Variants in ABR observed in about 807,000 individuals in gnomAD.
ABR encodes the protein ABR activator of RhoGEF and GTPase.
ABR carries 35 observed loss-of-function variants against 107.2 expected under a neutral mutation model. The ratio of observed to expected loss-of-function variants is 0.33; its 90% CI spans 0.25 to 0.43. The LOEUF is 0.43. Among genes scored for constraint, ABR ranks in the 20% least tolerant of loss-of-function variants. The probability of loss-of-function intolerance (pLI) is 1.00; values close to 1 mark genes in which losing one functional copy is unlikely to be tolerated. For synonymous variants in ABR, 498 were observed against 462.0 expected (o/e 1.08, Z -1.00); for missense variants, 815 against 1,115.2 (o/e 0.73, Z 3.83).
intron 1 of ABR, among the ~76,000 whole-genome samples, chr17:1,138,062 C>T (rs1644437713): frequency 6.6e-6 from 1 of 151,614 alleles, no homozygotes; most frequent in Non-Finnish European, 1.5e-5. Context: ...CACCAACACC[C>T]GGCTAATTTT....
At chr17:1,073,918 C>T (rs1332088618) in intron 6 of ABR, among the ~76,000 whole-genome samples, 1 of 152,068 alleles carries the variant, frequency 6.6e-6, no homozygotes, top group East Asian at 1.9e-4. Flanking sequence ...GCCTCCTCTC[C>T]CATCAGACAT....
chr17:1,201,876 AC>A (rs2042678154), intron 1 of ABR, among the ~76,000 whole-genome samples: 1 of 152,012 alleles, frequency 6.6e-6, no homozygotes, highest in Admixed American at 6.6e-5. Flanking sequence ...ATGGGGTTTC[AC>A]CGTGTTAGCC....
Position 1,179,754 on chromosome 17 carries a change from G to T in ABR, c.-27C>A. ...CCGCGGCGGCGGCTCGGTCAGATCC[G>T]AAACCCGACCCTCATCGCGCAACAA... is the stretch of plus-strand genomic sequence containing the variant. On this transcript the variant is annotated 5_prime_UTR_variant, in exon 1 of 23. Transcript: ENST00000302538. The surrounding 1 kb of genome is among the most constrained non-coding windows in gnomAD (Gnocchi z 4.9). 9.4e-7 allele frequency: 1 copy of T among 1,064,760 alleles called. No homozygotes were observed. The highest frequency in any genetic ancestry group is 1.3e-6 in the Non-Finnish European group (1 of 774,624). 66.0% of individuals were successfully genotyped at this position (1,064,760 alleles called of 1,614,324 possible). A position where few individuals can be genotyped will look rare whatever the true frequency, so the allele number is the denominator to read the frequency against.
chr17:1,079,788 CAAAAAAAAAAAAAAAAAAAAAAAAAAA>C (rs57412625), intron 5 of ABR, among the ~76,000 whole-genome samples: 1 of 55,106 alleles, frequency 1.8e-5, no homozygotes. Flanking sequence ...GACTCTGTCT[CAAAAAAAAAAAAAAAAAAAAAAAAAAA>C]AAAAAAAAAA....
At chr17:1,159,042 G>A (rs1256194170) in intron 1 of ABR, among the ~76,000 whole-genome samples, 1 of 152,224 alleles carries the variant, frequency 6.6e-6, no homozygotes, top group Non-Finnish European at 1.5e-5. Context: ...CAGCAGCCTG[G>A]TGAAGCCAAG....
intron 2 of ABR, among the ~76,000 whole-genome samples, chr17:1,108,647 GGAGGCGGC>G (rs2038421721): frequency 1.3e-5 from 2 of 152,264 alleles, no homozygotes; most frequent in Admixed American, 6.5e-5. Context: ...CCCGCTCCAG[GGAGGCGGC>G]GAGGCTCGGG....
rs2069896569 is a variant in ABR at position 1,004,715 on chromosome 17, A to C, written c.*1365T>G. ...CCTACAGCACCAACAAGGAGGCCCC[A>C]GCAGAACCCAGCCCCTAGAGGCGGC... On this transcript the variant is annotated 3_prime_UTR_variant, in exon 23 of 23. Transcript: ENST00000302538. The C allele has an allele frequency of 7.9e-6, 2 of 254,550 alleles. No individual in the cohort carries two copies. The highest frequency in any genetic ancestry group is 1.4e-4 in the East Asian group (2 of 14,612). 15.8% of individuals were successfully genotyped at this position (254,550 alleles called of 1,614,324 possible). A position where few individuals can be genotyped will look rare whatever the true frequency, so the allele number is the denominator to read the frequency against.
At chr17:1,110,075 A>C (rs1339868152) in intron 2 of ABR, among the ~76,000 whole-genome samples, 2 of 124,042 alleles carry the variant, frequency 1.6e-5, no homozygotes, top group African/African-American at 3.1e-5. Context: ...CAGCCACCCC[A>C]CCGCAGGGAG....
chr17:1,032,578 G>A (rs533170844), intron 16 of ABR, among the ~76,000 whole-genome samples: 5 of 132,228 alleles, frequency 3.8e-5, no homozygotes, highest in Non-Finnish European at 6.1e-5. Context: ...CGTGCTGGGC[G>A]CAGAGGACGC....
rs1451604293 is a variant in ABR at position 1,217,210 on chromosome 17, C to G, written c.838+11583G>C. On this transcript the variant is annotated intron_variant, in intron 1 of 22. Coordinates refer to the ABR transcript ENST00000574139. ...GGCTTTCTCCGTAATAGGACCCCAA[C>G]CCCAGAGCACAGTGCGGCCGCCTCA... is the stretch of plus-strand genomic sequence containing the variant. 5.9e-5 allele frequency among the ~76,000 whole-genome samples: 9 copies of G among 152,330 alleles called. No homozygotes were observed. In the East Asian group the frequency reaches 1.7e-3, roughly 29 times the overall value.
intron 6 of ABR, among the ~76,000 whole-genome samples, chr17:1,075,147 C>T (rs918623132): frequency 6.6e-6 from 1 of 152,244 alleles, no homozygotes; most frequent in African/African-American, 2.4e-5. Context: ...TCAGCAGGGA[C>T]AGGTGGAGGT....
intron 1 of ABR, among the ~76,000 whole-genome samples, chr17:1,216,960 G>A (rs766210538): frequency 6.6e-6 from 1 of 152,158 alleles, no homozygotes; most frequent in Non-Finnish European, 1.5e-5. Context: ...CCATAATGAA[G>A]CCCAGCATGG....
rs567950476 is a variant in ABR at position 1,196,850 on chromosome 17, G to A, written c.838+31943C>T. On this transcript the variant is annotated intron_variant, in intron 1 of 22. Coordinates refer to the ABR transcript ENST00000574139. The stretch of plus-strand genomic sequence containing the variant: ...GCTGGGACTACAGGCGCCCACCACC[G>A]TGCCCGGCTAATTTTTTGTATTTTT... 1.8e-4 allele frequency among the ~76,000 whole-genome samples: 28 copies of A among 151,892 alleles called. No homozygotes were observed. In the East Asian group the frequency reaches 4.1e-3, roughly 22 times the overall value.
rs867283593 is a variant in ABR at position 1,179,537 on chromosome 17, T to G, written c.61+130A>C. 1.0e-6 allele frequency: 1 copy of G among 954,844 alleles called. No individual in the cohort carries two copies. Among genetic ancestry groups the G allele is most frequent in the African/African-American group, 1.8e-5 (1 of 55,134 alleles). 59.1% of individuals were successfully genotyped at this position (954,844 alleles called of 1,614,324 possible). A position where few individuals can be genotyped will look rare whatever the true frequency, so the allele number is the denominator to read the frequency against. The stretch of plus-strand genomic sequence containing the variant: ...ACCCCGATCTCGCCCCCGCCCGCGC[T>G]CCCCGGACCAGCCCGGTGCCTGGGT... On this transcript the variant is annotated intron_variant, in intron 1 of 22. Transcript: ENST00000302538. This position sits in a 1 kb window ranked among gnomAD's most constrained non-coding sequence, Gnocchi z 4.9.
intron 2 of ABR, among the ~76,000 whole-genome samples, chr17:1,120,414 T>C (rs149573238): frequency 0.01 from 1,553 of 152,220 alleles, 34 homozygotes; most frequent in East Asian, 0.097. Context: ...GCTGGGATTA[T>C]AGGCACCTGC....
At chr17:1,209,270 C>T (rs1598130441) in intron 1 of ABR, among the ~76,000 whole-genome samples, 1 of 151,574 alleles carries the variant, frequency 6.6e-6, no homozygotes, top group East Asian at 2.0e-4. Flanking sequence ...TCTCTTTTAA[C>T]CTGTTTGTTT....
chr17:1,088,875 A>G (rs2151286060), intron 4 of ABR, among the ~76,000 whole-genome samples: 1 of 141,634 alleles, frequency 7.1e-6, no homozygotes, highest in East Asian at 2.1e-4. Flanking sequence ...TATAAGCGTG[A>G]GCCACTGTGC....
chr17:1,169,242 C>T (rs940568579), intron 1 of ABR, among the ~76,000 whole-genome samples: 3 of 152,162 alleles, frequency 2.0e-5, no homozygotes, highest in African/African-American at 2.4e-5. Flanking sequence ...CCTCAGGGTG[C>T]CCCCCATGGC....
At chr17:1,038,233 T>G (rs1413934374) in intron 16 of ABR, among the ~76,000 whole-genome samples, 4 of 152,128 alleles carry the variant, frequency 2.6e-5, no homozygotes, top group African/African-American at 9.7e-5. Flanking sequence ...AGCTCAAACC[T>G]TAGGTTCCCA....
Sources: allele counts gnomAD v4.1 joint callset (sites outside exome capture counted in the v4.1 genomes callset), GRCh38; gene constraint gnomAD v4.1.1; non-coding constraint Gnocchi (gnomAD v3.1); transcripts MANE v1.5; gene names NCBI Gene and HGNC (gene_info 2026-07-23, HGNC 2026-07-21).